NETO1: variants seen among roughly 807,000 people sequenced by gnomAD.
The protein encoded by NETO1 is neuropilin and tolloid-like protein 1.
Under a neutral mutation model 61.3 loss-of-function variants are expected in NETO1, and 26 were observed. The ratio of observed to expected loss-of-function variants is 0.42; its 90% CI spans 0.31 to 0.59. The LOEUF is 0.59. NETO1 is among the 20% of genes least tolerant of loss of function. The pLI, the probability that NETO1 is intolerant of heterozygous loss-of-function variation, is 0.12. For missense variants in NETO1, 531 were observed against 662.8 expected, an observed-to-expected ratio of 0.80 and a Z score of 2.18; for synonymous variants, 225 against 225.8, an observed-to-expected ratio of 1.00 and a Z score of 0.03.
chr18:72,844,419 A>T (rs1476138116), intron 4 of NETO1, among the ~76,000 whole-genome samples: 1 of 152,180 alleles, frequency 6.6e-6, no homozygotes, highest in Non-Finnish European at 1.5e-5. Flanking sequence ...AAACATCACT[A>T]TTCAATTTAA....
At chr18:72,842,000 T>C (rs1267203865) in intron 4 of NETO1, among the ~76,000 whole-genome samples, 4 of 152,188 alleles carry the variant, frequency 2.6e-5, no homozygotes, top group African/African-American at 9.6e-5. Flanking sequence ...AGCTGAATGA[T>C]GCTATTTTTC....
chr18:72,756,160 A>C lies in NETO1; in HGVS notation c.869-13T>G. On this transcript the variant is annotated splice_polypyrimidine_tract_variant and intron_variant, in intron 7 of 10. Coordinates refer to ENST00000327305, the MANE Select transcript of NETO1 (RefSeq NM_138966.5). Reference sequence around the variant, plus strand: ...CCTTCACAAGGAGCTAAAAAGAAGAAGAACAAGACAAAGGAGGAAAGTTAT... The same window carrying C: ...CCTTCACAAGGAGCTAAAAAGAAGACGAACAAGACAAAGGAGGAAAGTTAT... The C allele has an allele frequency of 7.3e-7, 1 of 1,361,706 alleles. No homozygotes were observed. Among genetic ancestry groups the C allele is most frequent in the Non-Finnish European group, 1.0e-6 (1 of 952,502 alleles). The allele number at this position is 1,361,706 out of a possible 1,614,324, so 84.4% of individuals were successfully genotyped here.
chr18:72,865,152 G>T (rs1363241279), intron 2 of NETO1, 36 bp downstream of exon 2: 1 of 1,585,178 alleles, frequency 6.3e-7, no homozygotes, highest in Non-Finnish European at 8.6e-7. Context: ...AAAATAATTC[G>T]AGGTCTTCCA....
At chr18:72,791,339 C>G (rs2072109788) in intron 6 of NETO1, among the ~76,000 whole-genome samples, 1 of 152,192 alleles carries the variant, frequency 6.6e-6, no homozygotes, top group Non-Finnish European at 1.5e-5. Context: ...CACCACGAGC[C>G]ATTTCAAGTT....
chr18:72,761,372 T>C (rs901770832), intron 7 of NETO1, among the ~76,000 whole-genome samples: 5 of 152,178 alleles, frequency 3.3e-5, no homozygotes, highest in Admixed American at 6.5e-5. Context: ...AAAACATAAA[T>C]TATGCATATT....
At position 72,756,022 on chromosome 18, in the gene NETO1, A is replaced by G. The variant is rs1358720942; in HGVS notation, c.982+12T>C. 2 of 1,483,572 alleles carry G rather than the reference A, an allele frequency of 1.3e-6. No individual in the cohort carries two copies. Among genetic ancestry groups the G allele is most frequent in the Non-Finnish European group, 1.9e-6 (2 of 1,069,096 alleles). 91.9% of individuals were successfully genotyped at this position (1,483,572 alleles called of 1,614,324 possible). ...AGGAAATTTTTTTCAAATTTCAGGCACTAATCATTACCTTTACAGTGATTT... is the reference window on the plus strand; with the variant it reads ...AGGAAATTTTTTTCAAATTTCAGGCGCTAATCATTACCTTTACAGTGATTT... On this transcript the variant is annotated intron_variant, in intron 8 of 10. Coordinates refer to ENST00000327305, the MANE Select transcript of NETO1 (RefSeq NM_138966.5).
chr18:72,820,212 C>T (rs956612483), intron 4 of NETO1, among the ~76,000 whole-genome samples: 6 of 151,980 alleles, frequency 3.9e-5, no homozygotes, highest in African/African-American at 1.2e-4. Context: ...GAGAGGAGGA[C>T]GAATAATTTT....
At chr18:72,805,088 G>A (rs1360005463) in intron 4 of NETO1, among the ~76,000 whole-genome samples, 1 of 152,102 alleles carries the variant, frequency 6.6e-6, no homozygotes, top group East Asian at 1.9e-4. Flanking sequence ...TTACAGTGTT[G>A]TTCATAAACC....
rs1266231163 is a variant in NETO1 at position 72,746,649 on chromosome 18, T to A, written c.*1530A>T. 1.3e-5 allele frequency among the ~76,000 whole-genome samples: 2 copies of A among 151,984 alleles called. No individual in the cohort carries two copies. The highest frequency in any genetic ancestry group is 3.8e-4 in the East Asian group (2 of 5,196). ...AAGTATAACAGTAATTCATCTAGTT[T>A]GCAAAGCCTGCTTGAATTGCAAAGT... On this transcript the variant is annotated 3_prime_UTR_variant, in exon 11 of 11. Coordinates refer to ENST00000327305, the MANE Select transcript of NETO1 (RefSeq NM_138966.5).
At chr18:72,840,232 T>C (rs1201484070) in intron 4 of NETO1, among the ~76,000 whole-genome samples, 1 of 152,166 alleles carries the variant, frequency 6.6e-6, no homozygotes, top group Non-Finnish European at 1.5e-5. Context: ...GTCTGCATGA[T>C]TGAGACACCA....
chr18:72,773,661 C>T (rs1375141242), intron 7 of NETO1, among the ~76,000 whole-genome samples: 1 of 152,114 alleles, frequency 6.6e-6, no homozygotes, highest in Non-Finnish European at 1.5e-5. Context: ...CACAATTATT[C>T]TACTGGCATG....
rs564547585 is a variant in NETO1 at position 72,798,771 on chromosome 18, C to T, written c.470-4367G>A. Among the ~76,000 whole-genome samples, 3 of 152,164 alleles carry T rather than the reference C, an allele frequency of 2.0e-5. No individual in the cohort carries two copies. In the South Asian group the frequency reaches 6.3e-4, roughly 32 times the overall value. Reference sequence around the variant, plus strand: ...ACCCAATGATGAGACAGCAGAAGACCCTAAGATTGCCAACAAAAAGAAAGC... The same window carrying T: ...ACCCAATGATGAGACAGCAGAAGACTCTAAGATTGCCAACAAAAAGAAAGC... On this transcript the variant is annotated intron_variant, in intron 4 of 10. Coordinates refer to ENST00000327305, the MANE Select transcript of NETO1 (RefSeq NM_138966.5).
At chr18:72,787,193 T>C (rs1416462476) in intron 6 of NETO1, among the ~76,000 whole-genome samples, 2 of 151,088 alleles carry the variant, frequency 1.3e-5, no homozygotes, top group African/African-American at 4.9e-5. Context: ...AATATGTACT[T>C]ATACTCTAAA....
At chr18:72,777,507 C>T (rs1018437066) in intron 7 of NETO1, among the ~76,000 whole-genome samples, 6 of 151,610 alleles carry the variant, frequency 4.0e-5, no homozygotes, top group African/African-American at 1.2e-4. Flanking sequence ...TTTGGGATGC[C>T]GAGGGGTTGG....
intron 4 of NETO1, among the ~76,000 whole-genome samples, chr18:72,851,238 C>T (rs576670785): frequency 1.4e-4 from 21 of 152,124 alleles, no homozygotes; most frequent in African/African-American, 5.1e-4. Context: ...GTGGAGAAAC[C>T]CTGTCTCTAC....
At chr18:72,807,755 C>CACA (rs749448020) in intron 4 of NETO1, among the ~76,000 whole-genome samples, 1,783 of 42,392 alleles carry the variant, frequency 0.042, 19 homozygotes, top group Non-Finnish European at 0.067. Flanking sequence ...CACACACACA[C>CACA]CCATACTGTC....
At chr18:72,796,964 T>C (rs891904092) in intron 4 of NETO1, among the ~76,000 whole-genome samples, 1 of 152,146 alleles carries the variant, frequency 6.6e-6, no homozygotes, top group Non-Finnish European at 1.5e-5. Flanking sequence ...ATAAAAGCCA[T>C]GTTTTGCATA....
At chr18:72,799,849 C>T (rs2072448636) in intron 4 of NETO1, among the ~76,000 whole-genome samples, 2 of 152,232 alleles carry the variant, frequency 1.3e-5, no homozygotes, top group South Asian at 4.1e-4. Context: ...CCTGGCAACA[C>T]ATTTCAGTAA....
intron 3 of NETO1, among the ~76,000 whole-genome samples, 196 bp from the exon 4 acceptor site, chr18:72,859,270 A>G (rs2074497872): frequency 6.6e-6 from 1 of 152,218 alleles, no homozygotes; most frequent in Admixed American, 6.5e-5. Context: ...GTGAAACTTA[A>G]AACCGATGAT....
Sources: allele counts gnomAD v4.1 joint callset (sites outside exome capture counted in the v4.1 genomes callset), GRCh38; gene constraint gnomAD v4.1.1; transcripts MANE v1.5; gene names NCBI Gene and HGNC (gene_info 2026-07-23, HGNC 2026-07-21).